The following NUP98 variants were observed in gnomAD, a reference collection of about 807,000 sequenced individuals.
The protein encoded by NUP98 is nuclear pore complex protein Nup98-Nup96.
In NUP98, 26 loss-of-function variants were observed where a neutral mutation model predicts 191.9. That is an observed-to-expected ratio of 0.14 (90% CI 0.10 to 0.19). The LOEUF (loss-of-function observed/expected upper bound fraction) is 0.19. NUP98 is among the 10% of genes least tolerant of loss of function. The pLI, the probability that NUP98 is intolerant of heterozygous loss-of-function variation, is 1.00. For missense variants in NUP98, 1,941 were observed against 2,178.8 expected, an observed-to-expected ratio of 0.89 and a Z score of 2.17; for synonymous variants, 808 against 778.4, an observed-to-expected ratio of 1.04 and a Z score of -0.63.
intron 1 of NUP98, among the ~76,000 whole-genome samples, chr11:3,786,628 G>C (rs2082149259): frequency 6.6e-6 from 1 of 152,178 alleles, no homozygotes; most frequent in Non-Finnish European, 1.5e-5. Context: ...ACACCCAGTA[G>C]TCCAATCAAT....
At chr11:3,745,410 T>C (rs187326554) in intron 11 of NUP98, among the ~76,000 whole-genome samples, 11 of 152,258 alleles carry the variant, frequency 7.2e-5, no homozygotes, top group Non-Finnish European at 1.0e-4. Context: ...ACCAGAGTGG[T>C]TGGACTAAGA....
intron 19 of NUP98, 107 bp from the exon 20 acceptor site, chr11:3,712,835 G>A: frequency 8.4e-7 from 1 of 1,194,278 alleles, no homozygotes; most frequent in Non-Finnish European, 1.2e-6. Context: ...GAAAAGGGGA[G>A]AAATATCTAA....
At chr11:3,755,835 G>A (rs1214258385) in intron 10 of NUP98, among the ~76,000 whole-genome samples, 4 of 151,236 alleles carry the variant, frequency 2.6e-5, no homozygotes, top group Non-Finnish European at 5.9e-5. Flanking sequence ...GTGGTGGCAG[G>A]CGCCTATAAT....
intron 14 of NUP98, among the ~76,000 whole-genome samples, chr11:3,731,093 C>G (rs2079830218): frequency 6.6e-6 from 1 of 152,086 alleles, no homozygotes; most frequent in South Asian, 2.1e-4. Context: ...TGTGAAACCC[C>G]ATTTCTACTA....
At position 3,682,138 on chromosome 11, in the gene NUP98, C is replaced by G. The variant is rs181466636; in HGVS notation, c.4918+1062G>C. Reference sequence around the variant, plus strand: ...GCTTCCTCACCTCTCTCAGCCTTCACAGAACTGAAGGGAGGTTAGGCTTTT... The same window carrying G: ...GCTTCCTCACCTCTCTCAGCCTTCAGAGAACTGAAGGGAGGTTAGGCTTTT... On this transcript the variant is annotated intron_variant, in intron 30 of 32. Coordinates refer to ENST00000324932, the MANE Select transcript of NUP98 (RefSeq NM_016320.5). Among the ~76,000 whole-genome samples, 9 of 152,324 alleles carry G rather than the reference C, an allele frequency of 5.9e-5. No homozygotes were observed. In the East Asian group the frequency reaches 1.7e-3, roughly 29 times the overall value.
chr11:3,699,007 A>G lies in NUP98; in HGVS notation c.4009+75T>C. The G allele has an allele frequency of 3.9e-6, 6 of 1,540,134 alleles. No individual in the cohort carries two copies. The South Asian group carries it at 4.7e-5, about 12-fold the overall frequency. ...GCTAGAAGCCAAAGGGAAATGCACA[A>G]TTAGCGGGGAGCGGTAGGAGGCAGT... On this transcript the variant is annotated intron_variant, in intron 25 of 32. Transcript: ENST00000324932.
intron 26 of NUP98, among the ~76,000 whole-genome samples, chr11:3,694,888 A>G (rs2078452257): frequency 6.6e-6 from 1 of 152,132 alleles, no homozygotes; most frequent in Non-Finnish European, 1.5e-5. Context: ...CTATTGCTAT[A>G]AATTCTTTTT....
At chr11:3,711,018 T>A (rs1223544104) in intron 20 of NUP98, among the ~76,000 whole-genome samples, 1 of 151,940 alleles carries the variant, frequency 6.6e-6, no homozygotes, top group Non-Finnish European at 1.5e-5. Context: ...GGTGGGAGGA[T>A]CACTTGAGGC....
intron 14 of NUP98, among the ~76,000 whole-genome samples, chr11:3,727,599 T>G (rs61879984): frequency 0.07 from 10,593 of 152,110 alleles, 385 homozygotes; most frequent in Middle Eastern, 0.1. Context: ...ATGGTGGGTT[T>G]CGCTGTAATT....
chr11:3,775,908 G>C lies in NUP98; in HGVS notation c.469C>G (p.Pro157Ala), dbSNP rs1241168065. 1.9e-6 allele frequency: 3 copies of C among 1,613,714 alleles called. No homozygotes were observed. Among genetic ancestry groups the C allele is most frequent in the Non-Finnish European group, 8.5e-7 (1 of 1,179,774 alleles). ...TTAAATTTAATAGTAGTCCCAGTAGGAGCAGCTGTAAAACTACTTGGCCCA... is the reference window on the plus strand; with the variant it reads ...TTAAATTTAATAGTAGTCCCAGTAGCAGCAGCTGTAAAACTACTTGGCCCA... Reference protein sequence around the residue: ...LFGPSSFTAAPTGTTIKFNPP... With the variant: ...LFGPSSFTAAATGTTIKFNPP... The change falls in exon 5 of 33, where the codon CCT becomes GCT. Residue 157 changes from proline (P) to alanine (A), a missense_variant. Pro to Ala is a conservative substitution (Grantham distance 27). Around this residue, in one of 6 missense-constraint regions of NUP98, gnomAD observed 154 missense variants for 182.9 expected, o/e 0.84. Transcript: ENST00000324932.
intron 1 of NUP98, among the ~76,000 whole-genome samples, chr11:3,789,278 T>A (rs924801081): frequency 1.3e-5 from 2 of 152,196 alleles, no homozygotes; most frequent in African/African-American, 4.8e-5. Flanking sequence ...GTTCAATGGC[T>A]AGCTAGAATG....
chr11:3,753,202 A>C (rs554586868), intron 11 of NUP98, 114 bp downstream of exon 11: 1 of 885,962 alleles, frequency 1.1e-6, no homozygotes, highest in Admixed American at 2.5e-5. Flanking sequence ...AACTGGAAAA[A>C]CGAAAAGGTA....
rs140285387 is a variant in NUP98, at chr11:3,756,065, T to A, written c.1175-2657A>T. Reference sequence around the variant, plus strand: ...TGAATCTCTTCTTTAATTCTTCTAATAGCTATGCCACAAAAATGGGGTGCT... The same window carrying A: ...TGAATCTCTTCTTTAATTCTTCTAAAAGCTATGCCACAAAAATGGGGTGCT... On this transcript the variant is annotated intron_variant, in intron 10 of 32. Transcript: ENST00000324932. Among the ~76,000 whole-genome samples the A allele has an allele frequency of 2.2e-3, 339 of 152,342 alleles. 3 individuals carry two copies. The highest frequency in any genetic ancestry group is 7.7e-3 in the African/African-American group (319 of 41,578).
chr11:3,678,554 A>C (rs941450960), intron 31 of NUP98, among the ~76,000 whole-genome samples: 1 of 152,200 alleles, frequency 6.6e-6, no homozygotes, highest in Non-Finnish European at 1.5e-5. Flanking sequence ...AAGCAGAGAG[A>C]AGTAGGGGTA....
chr11:3,702,438 A>C, intron 23 of NUP98, 25 bp downstream of exon 23: 1 of 1,601,844 alleles, frequency 6.2e-7, no homozygotes, highest in Non-Finnish European at 8.5e-7. Flanking sequence ...GCCTTTCTCA[A>C]AAAGCATCAA....
At chr11:3,709,569 A>T (rs535763446) in intron 20 of NUP98, among the ~76,000 whole-genome samples, 1 of 151,456 alleles carries the variant, frequency 6.6e-6, no homozygotes, top group Non-Finnish European at 1.5e-5. Context: ...AGCTGGCATG[A>T]TGGCATGCAC....
intron 16 of NUP98, 150 bp from the exon 17 acceptor site, chr11:3,720,975 A>AGT (rs55984201): frequency 0.023 from 7,486 of 323,626 alleles, 241 homozygotes; most frequent in African/African-American, 0.11. Context: ...GGGGTGTGTG[A>AGT]GTGTGTGTGT....
At chr11:3,758,814 A>G (rs1161313241) in intron 10 of NUP98, among the ~76,000 whole-genome samples, 2 of 152,138 alleles carry the variant, frequency 1.3e-5, no homozygotes, top group African/African-American at 4.8e-5. Flanking sequence ...AGAGACAGAG[A>G]GAGACAGACA....
intron 15 of NUP98, among the ~76,000 whole-genome samples, chr11:3,724,780 CAA>C (rs71041382): frequency 2.5e-5 from 2 of 80,152 alleles, no homozygotes; most frequent in Non-Finnish European, 2.4e-5. Flanking sequence ...GACTCTGTCT[CAA>C]AAAAAAAAAA....
Sources: gnomAD v4.1 joint callset for allele counts (sites outside exome capture counted in the v4.1 genomes callset) on GRCh38, gnomAD v4.1.1 for gene constraint, gnomAD v4.1.1 regional missense constraint, MANE v1.5 for transcripts, NCBI Gene and HGNC (gene_info 2026-07-23, HGNC 2026-07-21) for gene names.